The following RIPOR3 variants were observed in gnomAD, a reference collection of about 807,000 sequenced individuals.
RIPOR3 encodes RIPOR family member 3.
RIPOR3 carries 95 observed loss-of-function variants against 114.3 expected under a neutral mutation model. That is an observed-to-expected ratio of 0.83 (90% CI 0.70 to 0.99). The LOEUF is 0.99. RIPOR3 is among the 50% of genes least tolerant of loss of function. The pLI, the probability that RIPOR3 is intolerant of heterozygous loss-of-function variation, is 0.00. For missense variants in RIPOR3, 1,252 were observed against 1,266.9 expected (o/e 0.99, Z 0.18); for synonymous variants, 575 against 543.8 (o/e 1.06, Z -0.80).
Position 50,601,053 on chromosome 20 carries a change from A to C in RIPOR3, c.1659+1019T>G, listed in dbSNP as rs1053617096. On this transcript the variant is annotated intron_variant, in intron 13 of 21. Transcript: ENST00000327979. The stretch of plus-strand genomic sequence containing the variant: ...GAAAACAGCAAAATCAGAGAAGTGC[A>C]CAGCCAGTCTGAGGGCATAAGGACC... 4.6e-5 allele frequency among the ~76,000 whole-genome samples: 7 copies of C among 152,226 alleles called. No homozygotes were observed. In the East Asian group the frequency reaches 1.3e-3, roughly 29 times the overall value.
At chr20:50,621,307 C>G (rs1341420945) in intron 2 of RIPOR3, among the ~76,000 whole-genome samples, 1 of 152,180 alleles carries the variant, frequency 6.6e-6, no homozygotes, top group African/African-American at 2.4e-5. Context: ...GTTGGCTTTA[C>G]CTGCCCAGCA....
At chr20:50,657,456 G>A (rs556062217) in intron 1 of RIPOR3, among the ~76,000 whole-genome samples, 1 of 152,276 alleles carries the variant, frequency 6.6e-6, no homozygotes, top group East Asian at 1.9e-4. Flanking sequence ...GAACCTGGGA[G>A]GTGGAGGTTG....
chr20:50,597,606 G>A lies in RIPOR3; in HGVS notation c.1764C>T (p.Ser588=). The A allele has an allele frequency of 6.2e-7, 1 of 1,610,066 alleles. No individual in the cohort carries two copies. The highest frequency in any genetic ancestry group is 8.5e-7 in the Non-Finnish European group (1 of 1,178,196). The part of the protein sequence containing the change: ...LNADFALDEL[S]LFGGSQGLRK... The stretch of plus-strand genomic sequence containing the variant: ...GGAGACCCTGGGAGCCCCCAAACAG[G>A]GACAGCTCATCCAGGGCGAAGTCGG... The change falls in exon 14 of 22, where the codon TCC becomes TCT. Residue 588 remains serine, a synonymous_variant. Transcript: ENST00000327979.
intron 1 of RIPOR3, among the ~76,000 whole-genome samples, chr20:50,659,261 G>C (rs896988009): frequency 6.6e-6 from 1 of 152,148 alleles, no homozygotes; most frequent in Non-Finnish European, 1.5e-5. Context: ...ATTTCTTGGG[G>C]ACAGTGATTA....
At position 50,609,716 on chromosome 20, in the gene RIPOR3, C is replaced by T. The variant is rs1052202968; in HGVS notation, c.433G>A (p.Glu145Lys). 2.2e-6 allele frequency: 3 copies of T among 1,373,420 alleles called. No homozygotes were observed. The highest frequency in any genetic ancestry group is 2.9e-5 in the East Asian group (1 of 34,036). The allele number at this position is 1,373,420 out of a possible 1,614,324, so 85.1% of individuals were successfully genotyped here. ...TGGATGCAGTAGTCCTCGTACAGCT[C>T]ATCCACCTGTGGTGGGCACACGGGC... is the stretch of plus-strand genomic sequence containing the variant. ...KMEFHISKVD[E>K]LYEDYCIQCR... Residue 145 changes from glutamate to lysine, a missense_variant, in exon 7 of 22, where the codon GAG (glutamate) becomes AAG (lysine). By Grantham distance (56) the Glu-to-Lys change is moderately conservative (BLOSUM62 1). Coordinates refer to ENST00000327979, the MANE Select transcript of RIPOR3 (RefSeq NM_001290268.2).
chr20:50,593,920 A>G (rs1568819392), intron 17 of RIPOR3, among the ~76,000 whole-genome samples: 1 of 151,684 alleles, frequency 6.6e-6, no homozygotes, highest in East Asian at 1.9e-4. Flanking sequence ...CCCTTCCCAT[A>G]AGGTTCATTC....
intron 1 of RIPOR3, among the ~76,000 whole-genome samples, chr20:50,647,323 A>T (rs2123372238): frequency 6.6e-6 from 1 of 152,144 alleles, no homozygotes. Flanking sequence ...TCCATCTCAA[A>T]AGAAAAAAAA....
Position 50,620,069 on chromosome 20 carries a change from G to C in RIPOR3, c.186C>G (p.Gly62=), listed in dbSNP as rs1254682860. 1 of 1,614,200 alleles carries C rather than the reference G, an allele frequency of 6.2e-7. No individual in the cohort carries two copies. The highest frequency in any genetic ancestry group is 2.2e-5 in the East Asian group (1 of 44,886). The part of the protein sequence containing the change: ...RMPAKSSKMY[G]TLRKGSVCAD... The stretch of plus-strand genomic sequence containing the variant: ...CACAGACCGACCCCTTCCGCAGCGT[G>C]CCGTACATCTTGGAGGATTTTGCAG... Residue 62 remains glycine, a synonymous_variant, in exon 3 of 22, where the codon GGC becomes GGG. Transcript: ENST00000327979.
At position 50,587,123 on chromosome 20, in the gene RIPOR3, C is replaced by T. The variant is rs1047671120; in HGVS notation, c.*109G>A. On this transcript the variant is annotated 3_prime_UTR_variant, in exon 22 of 22. Coordinates refer to ENST00000327979, the MANE Select transcript of RIPOR3 (RefSeq NM_001290268.2). ...GTCTCAGGTAGAGCTCTGGGCAGCT[C>T]ACACTCCTGGAGGAGTGCACAGCAC... 8 of 817,660 alleles carry T rather than the reference C, an allele frequency of 9.8e-6. No individual in the cohort carries two copies. The highest frequency in any genetic ancestry group is 8.5e-5 in the Admixed American group (4 of 47,278). The allele number at this position is 817,660 out of a possible 1,614,324, so 50.7% of individuals were successfully genotyped here.
chr20:50,617,305 AG>A (rs1465987398), intron 3 of RIPOR3, among the ~76,000 whole-genome samples: 8 of 152,130 alleles, frequency 5.3e-5, no homozygotes, highest in Non-Finnish European at 1.2e-4. Context: ...CTACTCACTG[AG>A]GTATTGAGCT....
chr20:50,620,962 G>A, intron 2 of RIPOR3: 2 of 533,140 alleles, frequency 3.8e-6, no homozygotes, highest in East Asian at 4.3e-5. Context: ...AGGACAAACA[G>A]GCCCTCAAGT....
chr20:50,594,758 G>C, intron 16 of RIPOR3, 44 bp from the exon 17 acceptor site: 1 of 1,579,180 alleles, frequency 6.3e-7, no homozygotes, highest in Non-Finnish European at 8.6e-7. Flanking sequence ...CTCGGGGAGA[G>C]CACATGACAA....
chr20:50,609,194 G>A, intron 8 of RIPOR3, 99 bp downstream of exon 8: 1 of 1,452,794 alleles, frequency 6.9e-7, no homozygotes, highest in Non-Finnish European at 9.4e-7. Context: ...GCCAGGGCTG[G>A]GCTCAGACCC....
Position 50,609,373 on chromosome 20 carries a change from G to C in RIPOR3, c.577-17C>G. ...CCACATGTCCTGCAAAGCCCCGGAG[G>C]TGGCTCAGCTGGCTGCCTGGGGCTA... is the stretch of plus-strand genomic sequence containing the variant. On this transcript the variant is annotated splice_polypyrimidine_tract_variant and intron_variant, in intron 7 of 21. Transcript: ENST00000327979. 3.7e-6 allele frequency: 6 copies of C among 1,612,158 alleles called. No individual in the cohort carries two copies. The highest frequency in any genetic ancestry group is 5.1e-6 in the Non-Finnish European group (6 of 1,179,020).
At chr20:50,674,625 C>A (rs983813545) in intron 1 of RIPOR3, among the ~76,000 whole-genome samples, 12 of 148,510 alleles carry the variant, frequency 8.1e-5, no homozygotes, top group Non-Finnish European at 1.5e-4. Flanking sequence ...AGGGTAGGCC[C>A]TAAGTCTAAT....
intron 2 of RIPOR3, among the ~76,000 whole-genome samples, chr20:50,620,452 C>A (rs1286412120): frequency 6.6e-6 from 1 of 152,104 alleles, no homozygotes; most frequent in South Asian, 2.1e-4. Flanking sequence ...CATGGCGAAA[C>A]CCTGTCTCTA....
chr20:50,594,799 TGA>T, intron 16 of RIPOR3, 85 bp from the exon 17 acceptor site: 1 of 1,471,364 alleles, frequency 6.8e-7, no homozygotes, highest in East Asian at 2.3e-5. Flanking sequence ...CACTAGGACC[TGA>T]GGGGGTAGGG....
chr20:50,609,426 C>G, intron 7 of RIPOR3, 70 bp from the exon 8 acceptor site: 3 of 1,563,406 alleles, frequency 1.9e-6, no homozygotes, highest in Non-Finnish European at 2.6e-6. Context: ...ACCATCCCTG[C>G]AGCCAGACAG....
chr20:50,591,876 C>T (rs2083118878), intron 19 of RIPOR3, among the ~76,000 whole-genome samples: 2 of 152,202 alleles, frequency 1.3e-5, no homozygotes, highest in South Asian at 4.1e-4. Context: ...GCAGGCGGAT[C>T]GCAGGGTCAG....
Sources: allele counts gnomAD v4.1 joint callset (sites outside exome capture counted in the v4.1 genomes callset), GRCh38; gene constraint gnomAD v4.1.1; transcripts MANE v1.5; gene names NCBI Gene and HGNC (gene_info 2026-07-23, HGNC 2026-07-21).